Variants in USP18 observed in about 807,000 individuals in gnomAD.
The protein encoded by USP18 is ubiquitin specific peptidase 18, also known as ubl carboxyl-terminal hydrolase 18.
A neutral mutation model predicts 48.7 loss-of-function variants in USP18; 11 were observed. The ratio of observed to expected loss-of-function variants is 0.23; its 90% CI spans 0.14 to 0.37. The LOEUF is 0.37. USP18 is among the 10% of genes least tolerant of loss of function. The pLI is 1.00. For missense variants in USP18, 285 were observed against 436.4 expected, an observed-to-expected ratio of 0.65 and a Z score of 3.09; for synonymous variants, 114 against 163.2, an observed-to-expected ratio of 0.70 and a Z score of 2.30.
At chr22:18,172,693 T>C (rs1602532698) in intron 8 of USP18, among the ~76,000 whole-genome samples, 1 of 151,596 alleles carries the variant, frequency 6.6e-6, no homozygotes, top group African/African-American at 2.4e-5. Flanking sequence ...AGTCTGCAAA[T>C]GGAAATAGGG....
rs2543697 is a variant in USP18 at position 18,173,072 on chromosome 22, A to C, written c.892-78A>C. On this transcript the variant is annotated intron_variant, in intron 8 of 10. Transcript: ENST00000215794. ...ATTCTAAAGTCCCAGAGTCGGGCCT[A>C]GTGTGGGCAGGTATAAATGTGTGAG... The C allele has an allele frequency of 8.8e-3, 13,862 of 1,579,300 alleles. 261 individuals carry two copies. The highest frequency in any genetic ancestry group is 0.032 in the East Asian group (1,355 of 42,800).
rs762650129 is a variant in USP18 at position 18,173,205 on chromosome 22, C to G, written c.947C>G (p.Ser316Cys). The G allele has an allele frequency of 3.7e-6, 6 of 1,610,880 alleles. No individual in the cohort carries two copies. The highest frequency in any genetic ancestry group is 5.1e-6 in the Non-Finnish European group (6 of 1,178,264). Residue 316 changes from serine (S) to cysteine (C), a missense_variant, in exon 9 of 11, where the codon TCC becomes TGC. Coordinates refer to ENST00000215794, the MANE Select transcript of USP18 (RefSeq NM_017414.4). ...AVIAHVGMAD[S>C]GHYCVYIRNA... ...ATTGCGCACGTGGGAATGGCAGACT[C>G]CGGTCATTACTGTGTCTACATCCGG...
At chr22:18,162,456 C>T (rs531515760) in intron 4 of USP18, among the ~76,000 whole-genome samples, 6 of 150,644 alleles carry the variant, frequency 4.0e-5, no homozygotes, top group African/African-American at 7.4e-5. Context: ...AGAAATCCTA[C>T]ACTTACGGGT....
chr22:18,155,665 A>T (rs1279939219), intron 1 of USP18, among the ~76,000 whole-genome samples: 1 of 152,142 alleles, frequency 6.6e-6, no homozygotes, highest in East Asian at 1.9e-4. Flanking sequence ...GGGGCTTAGC[A>T]CTTGGGCCAG....
chr22:18,156,171 G>C (rs1257848046), intron 1 of USP18, among the ~76,000 whole-genome samples: 1 of 152,134 alleles, frequency 6.6e-6, no homozygotes, highest in Non-Finnish European at 1.5e-5. Context: ...CTAATCTAGT[G>C]GGGACGTGGA....
intron 7 of USP18, among the ~76,000 whole-genome samples, chr22:18,170,436 G>A (rs572947160): frequency 3.9e-5 from 6 of 152,340 alleles, no homozygotes; most frequent in Non-Finnish European, 7.3e-5. Context: ...GCAGGAGGGC[G>A]CCTGAGAGCA....
At chr22:18,167,639 A>G (rs2123737604) in intron 5 of USP18, among the ~76,000 whole-genome samples, 1 of 148,156 alleles carries the variant, frequency 6.7e-6, no homozygotes, top group South Asian at 2.2e-4. Context: ...CGGAGCTTGC[A>G]GTGAGCCGAG....
intron 4 of USP18, among the ~76,000 whole-genome samples, chr22:18,163,802 G>A (rs1054762584): frequency 1.3e-5 from 2 of 152,312 alleles, no homozygotes; most frequent in African/African-American, 2.4e-5. Context: ...CATCTATGTT[G>A]TTAGCGGCCC....
At chr22:18,156,360 C>T (rs542379810) in intron 1 of USP18, among the ~76,000 whole-genome samples, 14 of 152,344 alleles carry the variant, frequency 9.2e-5, no homozygotes, top group African/African-American at 2.9e-4. Flanking sequence ...CAGTGGCAAC[C>T]TGGTCAGGTT....
intron 1 of USP18, among the ~76,000 whole-genome samples, chr22:18,156,251 T>G (rs1602519737): frequency 1.6e-5 from 2 of 128,536 alleles, no homozygotes. Context: ...ACCAATCAGC[T>G]CTCTGTAAAA....
intron 4 of USP18, among the ~76,000 whole-genome samples, chr22:18,166,820 C>G (rs1246635233): frequency 6.6e-6 from 1 of 150,618 alleles, no homozygotes; most frequent in Non-Finnish European, 1.5e-5. Context: ...TCACTGTAGC[C>G]TCAACATCCT....
chr22:18,167,486 A>G, intron 5 of USP18, 152 bp downstream of exon 5: 2 of 938,144 alleles, frequency 2.1e-6, no homozygotes, highest in Non-Finnish European at 3.2e-6. Context: ...TCACGAGGTC[A>G]GGAGATCGAG....
intron 2 of USP18, among the ~76,000 whole-genome samples, chr22:18,158,709 C>T (rs894061293): frequency 1.3e-5 from 2 of 152,194 alleles, no homozygotes; most frequent in African/African-American, 2.4e-5. Flanking sequence ...CTTTCAGCCT[C>T]TCAGGGTGAC....
chr22:18,175,130 G>T (rs1217680992), intron 10 of USP18, among the ~76,000 whole-genome samples: 4 of 152,140 alleles, frequency 2.6e-5, no homozygotes, highest in Non-Finnish European at 4.4e-5. Context: ...AGCCAGGATG[G>T]TCTCGATCTC....
At chr22:18,164,071 G>A (rs1929406889) in intron 4 of USP18, among the ~76,000 whole-genome samples, 1 of 152,250 alleles carries the variant, frequency 6.6e-6, no homozygotes, top group Admixed American at 6.5e-5. Context: ...GTCACCCCCA[G>A]GGGCCTAGCG....
chr22:18,157,633 C>T lies in USP18; in HGVS notation c.-31C>T. 1 of 1,613,478 alleles carries T rather than the reference C, an allele frequency of 6.2e-7. No individual in the cohort carries two copies. The highest frequency in any genetic ancestry group is 1.1e-5 in the South Asian group (1 of 91,056). On this transcript the variant is annotated 5_prime_UTR_variant, in exon 2 of 11. Coordinates refer to ENST00000215794, the MANE Select transcript of USP18 (RefSeq NM_017414.4). ...GCTGTCCTGAACGCGGGCCAGGCAG[C>T]TGCGGCCTGGGGGTTTTGGAGTGAT...
intron 1 of USP18, among the ~76,000 whole-genome samples, chr22:18,154,078 T>G (rs765943031): frequency 6.6e-6 from 1 of 150,836 alleles, no homozygotes; most frequent in Non-Finnish European, 1.5e-5. Context: ...TGGATATATA[T>G]TCAGCAGTGG....
At chr22:18,165,698 A>T (rs1487603648) in intron 4 of USP18, among the ~76,000 whole-genome samples, 1 of 151,908 alleles carries the variant, frequency 6.6e-6, no homozygotes, top group Admixed American at 6.6e-5. Context: ...GTAGATTTGC[A>T]GCCCAAAGCA....
At chr22:18,151,132 G>A (rs1928990732) in intron 1 of USP18, among the ~76,000 whole-genome samples, 1 of 152,116 alleles carries the variant, frequency 6.6e-6, no homozygotes, top group South Asian at 2.1e-4. Context: ...GGGTCAGTGG[G>A]CATTCATATT....
Sources: gnomAD v4.1 joint callset for allele counts (sites outside exome capture counted in the v4.1 genomes callset) on GRCh38, gnomAD v4.1.1 for gene constraint, MANE v1.5 for transcripts, NCBI Gene and HGNC (gene_info 2026-07-23, HGNC 2026-07-21) for gene names.